PDE1A: variants seen among roughly 807,000 people sequenced by gnomAD.
The protein encoded by PDE1A is phosphodiesterase 1A.
PDE1A carries 35 observed loss-of-function variants against 61.7 expected under a neutral mutation model. That is an observed-to-expected ratio of 0.57 (90% CI 0.43 to 0.75). The LOEUF is 0.75. PDE1A is among the 30% of genes least tolerant of loss of function. PDE1A has a pLI of 0.00. For synonymous variants in PDE1A, 232 were observed against 213.2 expected, an observed-to-expected ratio of 1.09 and a Z score of -0.77; for missense variants, 597 against 630.6, an observed-to-expected ratio of 0.95 and a Z score of 0.57.
exon 4 of PDE1A, chr2:182,234,474 C>T (rs1689846776): frequency 6.2e-7 from 1 of 1,604,516 alleles, no homozygotes; most frequent in Non-Finnish European, 8.5e-7. Flanking sequence ...CCAAACCAAC[C>T]ATATGATATG....
chr2:182,676,188 G>C, the PDE1A span, among the ~76,000 whole-genome samples: 2 of 152,052 alleles, frequency 1.3e-5, no homozygotes, highest in Admixed American at 1.3e-4. Flanking sequence ...AAGAAGAAAA[G>C]AGAGAAGATC....
the PDE1A span, among the ~76,000 whole-genome samples, chr2:182,708,181 C>T: frequency 1.9e-3 from 295 of 152,092 alleles, 1 homozygote; most frequent in African/African-American, 6.8e-3. Flanking sequence ...GGACTAGGCT[C>T]CCCAGATTCA....
chr2:182,403,434 C>T (rs531240224), intron 1 of PDE1A, among the ~76,000 whole-genome samples: 3 of 151,858 alleles, frequency 2.0e-5, no homozygotes, highest in Admixed American at 2.0e-4. Context: ...CCCGTCTCTA[C>T]TAAAAATACA....
At chr2:182,264,302 T>G (rs1232442171) in exon 2 of PDE1A, 2 of 1,597,850 alleles carry the variant, frequency 1.3e-6, no homozygotes, top group African/African-American at 2.7e-5. Flanking sequence ...AAAACTTACC[T>G]TGTTTCATCG....
intron 1 of PDE1A, among the ~76,000 whole-genome samples, chr2:182,324,983 G>A (rs945509160): frequency 6.6e-6 from 1 of 152,212 alleles, no homozygotes; most frequent in African/African-American, 2.4e-5. Context: ...GATTTGCTCA[G>A]GGTCATGGAA....
chr2:182,409,946 T>A (rs1361175258), intron 1 of PDE1A, among the ~76,000 whole-genome samples: 1 of 152,220 alleles, frequency 6.6e-6, no homozygotes, highest in East Asian at 1.9e-4. Context: ...AAATCAAATG[T>A]GTTTTACTGC....
chr2:182,429,623 A>T (rs1433063143), upstream of PDE1A, among the ~76,000 whole-genome samples: 1 of 152,150 alleles, frequency 6.6e-6, no homozygotes, highest in Non-Finnish European at 1.5e-5. Flanking sequence ...TCTAAAACAC[A>T]AATCAGCTGA....
intron 8 of PDE1A, 138 bp from the exon 9 acceptor site, chr2:182,201,927 A>T: frequency 1.6e-6 from 1 of 616,098 alleles, no homozygotes; most frequent in East Asian, 2.8e-5. Flanking sequence ...TTTAAATGTG[A>T]AAGTCCACAC....
chr2:182,687,354 ACAGCAACATTCGCTGTT>A, the PDE1A span, among the ~76,000 whole-genome samples: 1 of 152,186 alleles, frequency 6.6e-6, no homozygotes, highest in Admixed American at 6.5e-5. Flanking sequence ...GAACAATCAG[ACAGCAACATTCGCTGTT>A]CAGCAATATT....
intron 1 of PDE1A, among the ~76,000 whole-genome samples, chr2:182,420,336 A>G (rs1034954349): frequency 2.0e-5 from 3 of 152,118 alleles, no homozygotes; most frequent in Admixed American, 6.5e-5. Context: ...TCCAAATTTA[A>G]TTTAATGATA....
chr2:182,247,741 C>G (rs1381628206), intron 2 of PDE1A, among the ~76,000 whole-genome samples: 2 of 152,178 alleles, frequency 1.3e-5, no homozygotes, highest in Non-Finnish European at 2.9e-5. Context: ...ATACATTTAT[C>G]TAAGACATGA....
intron 1 of PDE1A, among the ~76,000 whole-genome samples, chr2:182,340,761 G>A (rs1698133245): frequency 6.6e-6 from 1 of 152,182 alleles, no homozygotes; most frequent in Non-Finnish European, 1.5e-5. Flanking sequence ...TAATGATGAT[G>A]AATGTTTTAA....
At chr2:182,366,892 CAG>C (rs1699866330) in intron 1 of PDE1A, among the ~76,000 whole-genome samples, 2 of 151,982 alleles carry the variant, frequency 1.3e-5, no homozygotes, top group African/African-American at 4.8e-5. Context: ...CAGAAATAAA[CAG>C]AGTAAAGCAT....
chr2:182,666,752 T>G, the PDE1A span, among the ~76,000 whole-genome samples: 1 of 152,212 alleles, frequency 6.6e-6, no homozygotes, highest in Admixed American at 6.5e-5. Context: ...ACCAGCTAAC[T>G]TCTACCTCTA....
At chr2:182,416,837 C>A (rs781381896) in intron 1 of PDE1A, among the ~76,000 whole-genome samples, 2 of 152,128 alleles carry the variant, frequency 1.3e-5, no homozygotes, top group Non-Finnish European at 2.9e-5. Context: ...TACAAAACTT[C>A]TAATATGCTT....
At chr2:182,183,633 C>A (rs544834298) in intron 13 of PDE1A, among the ~76,000 whole-genome samples, 1 of 152,114 alleles carries the variant, frequency 6.6e-6, no homozygotes, top group South Asian at 2.1e-4. Flanking sequence ...AACAGAAAAA[C>A]CCTAGAAATT....
At chr2:182,598,072 T>C in the PDE1A span, among the ~76,000 whole-genome samples, 2 of 152,318 alleles carry the variant, frequency 1.3e-5, no homozygotes, top group African/African-American at 2.4e-5. Context: ...GTTTCTCAGT[T>C]TATCAGGCTC....
At chr2:182,170,412 GT>G (rs1313825696) in intron 13 of PDE1A, among the ~76,000 whole-genome samples, 1 of 151,962 alleles carries the variant, frequency 6.6e-6, no homozygotes, top group Non-Finnish European at 1.5e-5. Flanking sequence ...GAGCACATTT[GT>G]AAGCTCATTG....
chr2:182,337,500 C>T (rs1409184790), intron 1 of PDE1A, among the ~76,000 whole-genome samples: 1 of 152,134 alleles, frequency 6.6e-6, no homozygotes, highest in Non-Finnish European at 1.5e-5. Flanking sequence ...AATAACATGT[C>T]ATTTCATCTT....
Sources: allele counts gnomAD v4.1 joint callset (sites outside exome capture counted in the v4.1 genomes callset), GRCh38; gene constraint gnomAD v4.1.1; transcripts MANE v1.5; gene names NCBI Gene and HGNC (gene_info 2026-07-23, HGNC 2026-07-21).